The following PRIM1 variants were observed in gnomAD, a reference collection of about 807,000 sequenced individuals.
PRIM1 encodes DNA primase subunit 1.
Under a neutral mutation model 60.2 loss-of-function variants are expected in PRIM1, and 38 were observed. The ratio of observed to expected loss-of-function variants is 0.63; its 90% CI spans 0.49 to 0.83. PRIM1 has a LOEUF of 0.83. PRIM1 is among the 40% of genes least tolerant of loss of function. The pLI, the probability that PRIM1 is intolerant of heterozygous loss-of-function variation, is 0.00. For synonymous variants in PRIM1, 158 were observed against 160.2 expected, an observed-to-expected ratio of 0.99 and a Z score of 0.10; for missense variants, 388 against 506.2, an observed-to-expected ratio of 0.77 and a Z score of 2.24.
intron 6 of PRIM1, among the ~76,000 whole-genome samples, 166 bp from the exon 7 acceptor site, chr12:56,743,262 A>G (rs948920297): frequency 2.0e-5 from 3 of 152,220 alleles, no homozygotes; most frequent in African/African-American, 4.8e-5. Flanking sequence ...TGATAATTAA[A>G]TGAGACACTT....
intron 11 of PRIM1, among the ~76,000 whole-genome samples, chr12:56,735,799 C>T (rs1425685976): frequency 1.3e-5 from 2 of 151,412 alleles, no homozygotes; most frequent in African/African-American, 2.4e-5. Context: ...TATAGGCGCC[C>T]GCCACGACGC....
intron 2 of PRIM1, among the ~76,000 whole-genome samples, chr12:56,749,705 T>G (rs1370940949): frequency 6.6e-6 from 1 of 152,228 alleles, no homozygotes; most frequent in Non-Finnish European, 1.5e-5. Flanking sequence ...TGTGAGCTTG[T>G]GCAAACTATT....
chr12:56,742,695 A>G (rs1953881243), intron 7 of PRIM1, among the ~76,000 whole-genome samples: 1 of 152,236 alleles, frequency 6.6e-6, no homozygotes, highest in African/African-American at 2.4e-5. Flanking sequence ...ACTATAAGGT[A>G]TGATGTAAAG....
intron 2 of PRIM1, among the ~76,000 whole-genome samples, chr12:56,749,570 A>G (rs1953932377): frequency 6.6e-6 from 1 of 152,068 alleles, no homozygotes; most frequent in Admixed American, 6.6e-5. Context: ...AACAACTCCA[A>G]AGTATTTTTT....
At chr12:56,751,609 C>G (rs1953961561) in intron 1 of PRIM1, 1 of 155,652 alleles carries the variant, frequency 6.4e-6, no homozygotes, top group African/African-American at 2.4e-5. Flanking sequence ...TTAATGAGCC[C>G]CCTATGCTCA....
chr12:56,744,360 G>A (rs1953892416), intron 5 of PRIM1, among the ~76,000 whole-genome samples: 1 of 152,012 alleles, frequency 6.6e-6, no homozygotes, highest in Admixed American at 6.6e-5. Context: ...GGGCATGGTG[G>A]CGCATGCCTG....
At chr12:56,741,880 T>G (rs7138092) in intron 7 of PRIM1, 43 bp from the exon 8 acceptor site, 1 of 1,543,590 alleles carries the variant, frequency 6.5e-7, no homozygotes, top group Non-Finnish European at 8.9e-7. Context: ...GGAACATCAA[T>G]GAACAATTTA....
At chr12:56,743,848 T>C in intron 6 of PRIM1, 1 of 422,094 alleles carries the variant, frequency 2.4e-6, no homozygotes. Context: ...TAAATGGAGA[T>C]ACCATCAAGT....
chr12:56,743,070 T>C lies in PRIM1; in HGVS notation c.665A>G (p.Tyr222Cys). 1.3e-6 allele frequency: 2 copies of C among 1,527,520 alleles called. No individual in the cohort carries two copies. Among genetic ancestry groups the C allele is most frequent in the Non-Finnish European group, 1.8e-6 (2 of 1,140,660 alleles). 94.6% of individuals were successfully genotyped at this position (1,527,520 alleles called of 1,614,324 possible). A position where few individuals can be genotyped will look rare whatever the true frequency, so the allele number is the denominator to read the frequency against. Reference sequence around the variant, plus strand: ...ATTAACCAAGGCATATTCTTCAAAGTATTTTTTTATTATGTTTATAGATTT... The same window carrying C: ...ATTAACCAAGGCATATTCTTCAAAGCATTTTTTTATTATGTTTATAGATTT... ...IRKSINIIKK[Y>C]FEEYALVNQD... Residue 222 changes from tyrosine (Y) to cysteine (C), a missense_variant, in exon 7 of 13, where the codon TAC (tyrosine) becomes TGC (cysteine). Around this residue, in one of 3 missense-constraint regions of PRIM1, gnomAD observed 211 missense variants for 277.9 expected, o/e 0.76. Coordinates refer to ENST00000338193, the MANE Select transcript of PRIM1 (RefSeq NM_000946.3).
At chr12:56,740,231 T>C (rs1201822751) in intron 9 of PRIM1, among the ~76,000 whole-genome samples, 1 of 152,172 alleles carries the variant, frequency 6.6e-6, no homozygotes, top group Non-Finnish European at 1.5e-5. Flanking sequence ...CCTACTTTTA[T>C]TTCTATATTT....
intron 2 of PRIM1, 141 bp downstream of exon 2, chr12:56,750,897 T>G: frequency 1.9e-6 from 1 of 515,474 alleles, no homozygotes; most frequent in Non-Finnish European, 3.1e-6. Context: ...CAAAAAAGGA[T>G]TAATCACTTG....
chr12:56,749,424 C>A (rs1035322886), intron 2 of PRIM1, among the ~76,000 whole-genome samples: 1 of 152,140 alleles, frequency 6.6e-6, no homozygotes, highest in African/African-American at 2.4e-5. Context: ...TCTATAGATG[C>A]TTCTGTCTTG....
intron 11 of PRIM1, among the ~76,000 whole-genome samples, chr12:56,736,512 T>C (rs1414876987): frequency 6.6e-6 from 1 of 151,678 alleles, no homozygotes; most frequent in African/African-American, 2.4e-5. Context: ...ATTATACTTT[T>C]TTTTTTTTTG....
chr12:56,736,298 TAAAA>T (rs756452647), intron 11 of PRIM1, among the ~76,000 whole-genome samples: 12 of 24,312 alleles, frequency 4.9e-4, no homozygotes, highest in South Asian at 3.7e-3. Context: ...ACTCTTTCTC[TAAAA>T]AAAAAAAAAA....
At chr12:56,736,199 G>A (rs1233377633) in intron 11 of PRIM1, among the ~76,000 whole-genome samples, 1 of 146,544 alleles carries the variant, frequency 6.8e-6, no homozygotes, top group East Asian at 2.1e-4. Flanking sequence ...TCAGGAGGCT[G>A]AGGCAGGAGA....
chr12:56,744,848 T>C lies in PRIM1; in HGVS notation c.580-725A>G, dbSNP rs1444842091. ...GGCTCACACTTGTAATCCCAGCACTTTGAGAGGCTGAGGCGGGCGGATCAC... is the reference window on the plus strand; with the variant it reads ...GGCTCACACTTGTAATCCCAGCACTCTGAGAGGCTGAGGCGGGCGGATCAC... On this transcript the variant is annotated intron_variant, in intron 5 of 12. Coordinates refer to ENST00000338193, the MANE Select transcript of PRIM1 (RefSeq NM_000946.3). Among the ~76,000 whole-genome samples the C allele has an allele frequency of 2.6e-5, 4 of 152,140 alleles. No homozygotes were observed. In the East Asian group the frequency reaches 7.7e-4, roughly 29 times the overall value.
At chr12:56,744,907 T>C (rs1416077926) in intron 5 of PRIM1, among the ~76,000 whole-genome samples, 2 of 151,686 alleles carry the variant, frequency 1.3e-5, no homozygotes, top group East Asian at 1.9e-4. Context: ...GCCTGACCAA[T>C]ATGATGAAAC....
In PRIM1 at chr12:56,738,538, GAAC is replaced by G. The variant is rs1482950400; in HGVS notation, c.1053-16_1053-14del. ...ACGGCAGATGAAGCTGCAAGTAACA[GAAC>G]AAGAGAATTTTGTTTTTGTTTTTGT... On this transcript the variant is annotated splice_polypyrimidine_tract_variant and intron_variant, in intron 10 of 12. Transcript: ENST00000338193. 6.4e-7 allele frequency: 1 copy of G among 1,562,664 alleles called. No individual in the cohort carries two copies. Among genetic ancestry groups the G allele is most frequent in the Non-Finnish European group, 8.7e-7 (1 of 1,152,678 alleles).
intron 2 of PRIM1, among the ~76,000 whole-genome samples, chr12:56,749,970 G>A (rs1953934710): frequency 1.3e-5 from 2 of 152,120 alleles, no homozygotes; most frequent in Non-Finnish European, 2.9e-5. Flanking sequence ...GGCAGGGGGT[G>A]GGAGGAGTGG....
Sources: allele counts gnomAD v4.1 joint callset (sites outside exome capture counted in the v4.1 genomes callset), GRCh38; gene constraint gnomAD v4.1.1; regional missense constraint gnomAD v4.1.1; transcripts MANE v1.5; gene names NCBI Gene and HGNC (gene_info 2026-07-23, HGNC 2026-07-21).